The following SNED1 variants were observed in gnomAD, a reference collection of about 807,000 sequenced individuals.
SNED1 encodes the protein sushi, nidogen and EGF-like domain-containing protein 1.
In SNED1, 81 loss-of-function variants were observed where a neutral mutation model predicts 166.7. That is an observed-to-expected ratio of 0.49 (90% confidence interval 0.41 to 0.58). The LOEUF is 0.58. Among genes scored for constraint, SNED1 ranks in the 20% least tolerant of loss-of-function variants. SNED1 has a pLI of 0.00. For missense variants in SNED1, 1,604 were observed against 2,000.2 expected (o/e 0.80, Z 3.78); for synonymous variants, 762 against 822.0 (o/e 0.93, Z 1.25).
intron 15 of SNED1, 95 bp from the exon 16 acceptor site, chr2:241,053,058 C>A: frequency 1.6e-6 from 2 of 1,220,150 alleles, no homozygotes; most frequent in Non-Finnish European, 2.3e-6. Flanking sequence ...AGCAGGACAT[C>A]CCTGGGCCCT....
At chr2:241,090,238 A>T in intron 31 of SNED1, 1 of 1,494,830 alleles carries the variant, frequency 6.7e-7, no homozygotes, top group African/African-American at 1.4e-5. Context: ...AACTTTTGTT[A>T]AAAACTAAGA....
At position 241,044,880 on chromosome 2, in the gene SNED1, G is replaced by A. The variant is rs147922789; in HGVS notation, c.1274-3435G>A. 5.6e-3 allele frequency among the ~76,000 whole-genome samples: 853 copies of A among 152,234 alleles called. 7 individuals carry two copies. The highest frequency in any genetic ancestry group is 0.019 in the African/African-American group (782 of 41,522). Reference sequence around the variant, plus strand: ...GTGGCAAGGTAGGGAAATAAAAGCCGCAGCGTTTTTGCCAGAGGACTGAAA... The same window carrying A: ...GTGGCAAGGTAGGGAAATAAAAGCCACAGCGTTTTTGCCAGAGGACTGAAA... On this transcript the variant is annotated intron_variant, in intron 8 of 31. Transcript: ENST00000310397.
chr2:241,016,320 C>T (rs1014962815), intron 1 of SNED1, among the ~76,000 whole-genome samples: 2 of 151,634 alleles, frequency 1.3e-5, no homozygotes, highest in Non-Finnish European at 2.9e-5. Flanking sequence ...CTTAGCCTCC[C>T]GAGTAGCTGG....
At position 241,049,063 on chromosome 2, in the gene SNED1, G is replaced by C; in HGVS notation, c.1546G>C (p.Asp516His). The change falls in exon 11 of 32, where the codon GAT becomes CAT. Residue 516 changes from aspartate to histidine, a missense_variant. This residue lies in a region of SNED1 where 1,237 missense variants were observed against 1,620.8 expected (regional missense o/e 0.76). Coordinates refer to ENST00000310397, the MANE Select transcript of SNED1 (RefSeq NM_001080437.3). ...CTGCAACATGAACACACAGTGCCCA[G>C]ATGGGGGCTACTGCATGGAGCACGG... ...MPCNMNTQCP[D>H]GGYCMEHGGS... 6.2e-7 allele frequency: 1 copy of C among 1,613,636 alleles called. No homozygotes were observed.
chr2:241,077,686 A>G (rs2063095099), intron 27 of SNED1, among the ~76,000 whole-genome samples: 1 of 152,228 alleles, frequency 6.6e-6, no homozygotes, highest in South Asian at 2.1e-4. Context: ...ACAGGGGCAA[A>G]GGACCTAAAA....
At chr2:241,004,339 C>A (rs1009358294) in intron 1 of SNED1, among the ~76,000 whole-genome samples, 25 of 152,180 alleles carry the variant, frequency 1.6e-4, no homozygotes, top group African/African-American at 6.0e-4. Context: ...TTTAATCCAG[C>A]CTGACAAATC....
chr2:241,027,103 CAG>C (rs2060992758), intron 1 of SNED1, among the ~76,000 whole-genome samples: 1 of 149,884 alleles, frequency 6.7e-6, no homozygotes, highest in African/African-American at 2.5e-5. Context: ...TTTTTAAAGA[CAG>C]GGTCTCACTC....
intron 27 of SNED1, among the ~76,000 whole-genome samples, chr2:241,077,295 T>C (rs1183757201): frequency 6.6e-6 from 1 of 152,124 alleles, no homozygotes; most frequent in Non-Finnish European, 1.5e-5. Flanking sequence ...ACAACCTAAA[T>C]GTTAGGAGCT....
Position 241,094,639 on chromosome 2 carries a change from G to A in SNED1, c.*3003G>A, listed in dbSNP as rs552182203. On this transcript the variant is annotated 3_prime_UTR_variant, in exon 32 of 32. Transcript: ENST00000310397. This position sits in a 1 kb window ranked among gnomAD's most constrained non-coding sequence, Gnocchi z 4.3. ...AGTGAACAGTCACATTACTGTTGTG[G>A]ACCAGGCCTTAGATGAGTTTCTCAG... 2.9e-6 allele frequency: 1 copy of A among 339,592 alleles called. No homozygotes were observed. The highest frequency in any genetic ancestry group is 2.3e-5 in the South Asian group (1 of 43,756). The allele number at this position is 339,592 out of a possible 1,614,324, so 21.0% of individuals were successfully genotyped here.
intron 1 of SNED1, among the ~76,000 whole-genome samples, chr2:241,005,560 C>T (rs1191983839): frequency 3.3e-5 from 5 of 152,000 alleles, no homozygotes; most frequent in African/African-American, 4.8e-5. Context: ...TCTAATATTT[C>T]TTATAGTGTA....
intron 16 of SNED1, among the ~76,000 whole-genome samples, chr2:241,056,109 C>T (rs1003686475): frequency 1.3e-5 from 2 of 151,280 alleles, no homozygotes; most frequent in African/African-American, 4.9e-5. Context: ...ATGGATCACC[C>T]AAGTGTTGGA....
Position 241,068,435 on chromosome 2 carries a change from C to T in SNED1, c.3195-476C>T, listed in dbSNP as rs756149176. 6.6e-6 allele frequency among the ~76,000 whole-genome samples: 1 copy of T among 151,894 alleles called. No homozygotes were observed. The highest frequency in any genetic ancestry group is 1.5e-5 in the Non-Finnish European group (1 of 67,970). ...GGTCGCCAACCAAAGAGAAAGCTTC[C>T]GAATCGTGCTCAGCGCAGGCAGGGG... On this transcript the variant is annotated intron_variant, in intron 22 of 31. Coordinates refer to ENST00000310397, the MANE Select transcript of SNED1 (RefSeq NM_001080437.3). This position sits in a 1 kb window ranked among gnomAD's most constrained non-coding sequence, Gnocchi z 5.3.
intron 16 of SNED1, among the ~76,000 whole-genome samples, chr2:241,053,935 G>A (rs755016231): frequency 4.6e-5 from 7 of 152,236 alleles, no homozygotes; most frequent in Non-Finnish European, 8.8e-5. Flanking sequence ...TCTGTGTGAT[G>A]TGAGCTAGTT....
chr2:241,034,532 C>T (rs769484148), intron 3 of SNED1, 36 bp from the exon 4 acceptor site: 2 of 1,551,380 alleles, frequency 1.3e-6, no homozygotes, highest in Non-Finnish European at 1.8e-6. Flanking sequence ...ACCTGGGGAA[C>T]TGGCCTCCCT....
Position 240,999,161 on chromosome 2 carries a change from G to T in SNED1, c.213+111G>T. ...CCGCCGCCAGCCACTTGGCACCGGG[G>T]CGGCCCGAGGTGGAATGAGGACAGC... On this transcript the variant is annotated intron_variant, in intron 1 of 31. Coordinates refer to ENST00000310397, the MANE Select transcript of SNED1 (RefSeq NM_001080437.3). The surrounding 1 kb of genome is among the most constrained non-coding windows in gnomAD (Gnocchi z 5.8). The T allele has an allele frequency of 1.7e-6, 1 of 590,030 alleles. No individual in the cohort carries two copies. Among genetic ancestry groups the T allele is most frequent in the Non-Finnish European group, 2.4e-6 (1 of 417,446 alleles). 36.5% of individuals were successfully genotyped at this position (590,030 alleles called of 1,614,324 possible).
intron 8 of SNED1, 120 bp downstream of exon 8, chr2:241,040,533 G>A: frequency 1.5e-6 from 1 of 671,598 alleles, no homozygotes; most frequent in East Asian, 2.7e-5. Flanking sequence ...CTGTCTCTGG[G>A]GTGGGAGGAT....
At chr2:241,000,280 C>T (rs1361772323) in intron 1 of SNED1, among the ~76,000 whole-genome samples, 2 of 152,180 alleles carry the variant, frequency 1.3e-5, no homozygotes, top group Non-Finnish European at 2.9e-5. Context: ...CCATCCACAG[C>T]GCCCACTGCG....
Position 241,094,092 on chromosome 2 carries a change from T to C in SNED1, c.*2456T>C, listed in dbSNP as rs1426977438. 5.7e-6 allele frequency: 2 copies of C among 348,192 alleles called. No homozygotes were observed. The highest frequency in any genetic ancestry group is 1.6e-4 in the East Asian group (2 of 12,706). 21.6% of individuals were successfully genotyped at this position (348,192 alleles called of 1,614,324 possible). On this transcript the variant is annotated 3_prime_UTR_variant, in exon 32 of 32. Transcript: ENST00000310397. This position sits in a 1 kb window ranked among gnomAD's most constrained non-coding sequence, Gnocchi z 4.3. ...ACAATGGAAGAGAAAATGAAAACAC[T>C]GGCACAGTGAAATGTCTCATTTCCA...
intron 1 of SNED1, among the ~76,000 whole-genome samples, chr2:241,008,908 A>G (rs2060302561): frequency 6.6e-6 from 1 of 152,234 alleles, no homozygotes; most frequent in Non-Finnish European, 1.5e-5. Flanking sequence ...GAGCTTGTCA[A>G]GGGTCAGGCA....
Sources: allele counts gnomAD v4.1 joint callset (sites outside exome capture counted in the v4.1 genomes callset), GRCh38; gene constraint gnomAD v4.1.1; regional missense constraint gnomAD v4.1.1; non-coding constraint Gnocchi (gnomAD v3.1); transcripts MANE v1.5; gene names NCBI Gene and HGNC (gene_info 2026-07-23, HGNC 2026-07-21).